The following ACLY variants were observed in gnomAD, a reference collection of about 807,000 sequenced individuals.
ACLY encodes ATP citrate lyase.
Under a neutral mutation model 133.0 loss-of-function variants are expected in ACLY, and 41 were observed. The observed-to-expected ratio is 0.31, with a 90% CI of 0.24 to 0.40. ACLY has a LOEUF of 0.40. ACLY is among the 10% of genes least tolerant of loss of function. The pLI is 1.00. For synonymous variants in ACLY, 495 were observed against 549.3 expected (o/e 0.90, Z 1.38); for missense variants, 1,046 against 1,453.8 (o/e 0.72, Z 4.56).
chr17:41,907,384 G>A lies in ACLY; in HGVS notation c.747+58C>T, dbSNP rs1169515278. 4.8e-5 allele frequency: 73 copies of A among 1,513,310 alleles called. No homozygotes were observed. The Admixed American group carries it at 1.3e-3, about 26-fold the overall frequency. 93.7% of individuals were successfully genotyped at this position (1,513,310 alleles called of 1,614,324 possible). On this transcript the variant is annotated intron_variant, in intron 7 of 28. Coordinates refer to ENST00000352035, the MANE Select transcript of ACLY (RefSeq NM_001096.3). ...GGGGGGCCAAATGCACATCAAAGAT[G>A]AGTCACCTCCCCACCGCCCTCCCCC...
At chr17:41,891,340 G>C (rs2049205427) in intron 16 of ACLY, among the ~76,000 whole-genome samples, 1 of 152,134 alleles carries the variant, frequency 6.6e-6, no homozygotes, top group African/African-American at 2.4e-5. Flanking sequence ...AGCCAGTTAT[G>C]CATAGCACAG....
chr17:41,902,850 A>G (rs1468788719), intron 10 of ACLY, among the ~76,000 whole-genome samples: 2 of 152,148 alleles, frequency 1.3e-5, no homozygotes, highest in Non-Finnish European at 2.9e-5. Context: ...ATGTTTTGAG[A>G]CAGGGTCTCA....
Position 41,898,615 on chromosome 17 carries a change from G to A in ACLY, c.1338+16C>T. 1.2e-6 allele frequency: 2 copies of A among 1,612,140 alleles called. No homozygotes were observed. The highest frequency in any genetic ancestry group is 1.7e-6 in the Non-Finnish European group (2 of 1,179,152). On this transcript the variant is annotated intron_variant, in intron 12 of 28. Transcript: ENST00000352035. ...GATGGTTCCTTCCTGTAAGGTTTGG[G>A]GAGGCTGGAACCTACCGATGTGCTC...
At chr17:41,922,531 CT>C (rs1490068017), upstream of ACLY, among the ~76,000 whole-genome samples, 1 of 151,736 alleles carries the variant, frequency 6.6e-6, no homozygotes, top group African/African-American at 2.4e-5. Context: ...ATAATAAACT[CT>C]TTGAAGGTCA....
intron 15 of ACLY, among the ~76,000 whole-genome samples, chr17:41,892,657 T>G (rs2049247491): frequency 6.6e-6 from 1 of 151,486 alleles, no homozygotes; most frequent in East Asian, 1.9e-4. Flanking sequence ...GGGAATGAGC[T>G]CACTGACTCC....
At chr17:41,928,484 G>C (rs781901573) in intron 1 of ACLY, among the ~76,000 whole-genome samples, 1 of 151,864 alleles carries the variant, frequency 6.6e-6, no homozygotes, top group African/African-American at 2.4e-5. Flanking sequence ...TTTTCAAAAT[G>C]GTTTTGGCTA....
At chr17:41,930,533 G>T in exon 1 of ACLY, 1 of 553,732 alleles carries the variant, frequency 1.8e-6, no homozygotes, top group South Asian at 2.1e-5. Flanking sequence ...CTGGCCCAGT[G>T]CGCGGCAGAA....
intron 12 of ACLY, among the ~76,000 whole-genome samples, chr17:41,898,095 G>A (rs1004930774): frequency 3.3e-5 from 5 of 152,020 alleles, no homozygotes; most frequent in Admixed American, 1.3e-4. Flanking sequence ...TAAGAGTAAC[G>A]ATTTTTAAGT....
Position 41,886,754 on chromosome 17 carries a change from C to A in ACLY, c.1876-446G>T, listed in dbSNP as rs1352447559. On this transcript the variant is annotated intron_variant, in intron 17 of 28. Transcript: ENST00000352035. ...GGGCTGCTGAAGTGTGTTATAACTG[C>A]ACCTGTGAAAAGCCACTGCACTCCA... Among the ~76,000 whole-genome samples the A allele has an allele frequency of 2.0e-5, 3 of 151,916 alleles. No individual in the cohort carries two copies. The South Asian group carries it at 6.2e-4, about 32-fold the overall frequency.
chr17:41,903,936 G>A (rs1435182400), intron 10 of ACLY, among the ~76,000 whole-genome samples: 2 of 151,466 alleles, frequency 1.3e-5, no homozygotes, highest in East Asian at 3.9e-4. Flanking sequence ...AGCCAACATG[G>A]TGAAACCCCT....
chr17:41,887,926 G>A (rs960718314), intron 16 of ACLY, among the ~76,000 whole-genome samples: 20 of 151,932 alleles, frequency 1.3e-4, no homozygotes, highest in Admixed American at 3.9e-4. Flanking sequence ...TCAGGAGTTC[G>A]AGACCAGCCT....
intron 1 of ACLY, among the ~76,000 whole-genome samples, chr17:41,927,905 G>A (rs971827689): frequency 7.9e-5 from 12 of 151,778 alleles, no homozygotes; most frequent in Non-Finnish European, 1.6e-4. Flanking sequence ...GAGAGGCCGC[G>A]GTGGGAGGAT....
intron 1 of ACLY, among the ~76,000 whole-genome samples, chr17:41,914,354 T>C (rs1282935658): frequency 6.6e-6 from 1 of 152,052 alleles, no homozygotes; most frequent in African/African-American, 2.4e-5. Flanking sequence ...ACGGCTGAAA[T>C]TGCAAAAGGC....
rs781871838 is a variant in ACLY at position 41,867,909 on chromosome 17, A to C, written c.3212-5T>G. ...TCTTCTGATCAAGATAGTGTCCTAA[A>C]ATGAAGCAAACACATCTTTTTTATT... is the stretch of plus-strand genomic sequence containing the variant. On this transcript the variant is annotated splice_polypyrimidine_tract_variant and splice_region_variant and intron_variant, in intron 28 of 28. Coordinates refer to ENST00000352035, the MANE Select transcript of ACLY (RefSeq NM_001096.3). 35 of 1,602,042 alleles carry C rather than the reference A, an allele frequency of 2.2e-5. No individual in the cohort carries two copies. The highest frequency in any genetic ancestry group is 3.0e-5 in the Non-Finnish European group (35 of 1,172,206).
upstream of ACLY, chr17:41,918,979 T>C: frequency 1.6e-6 from 2 of 1,288,336 alleles, no homozygotes; most frequent in Non-Finnish European, 2.0e-6. Context: ...GATCCGGCTT[T>C]TGTCCCGGCC....
Position 41,892,838 on chromosome 17 carries a change from G to A in ACLY, c.1601+195C>T, listed in dbSNP as rs781901374. ...ACTACAGGTGCACACCACCATATCC[G>A]GCTAATTTTTAAATTATCTGTAGAG... On this transcript the variant is annotated intron_variant, in intron 15 of 28. Transcript: ENST00000352035. 5.3e-4 allele frequency among the ~76,000 whole-genome samples: 81 copies of A among 152,052 alleles called. 1 individual carries two copies. Among genetic ancestry groups the A allele is most frequent in the Middle Eastern group, 3.4e-3 (1 of 294 alleles).
chr17:41,908,592 C>T (rs1225177070), intron 6 of ACLY, among the ~76,000 whole-genome samples: 1 of 152,210 alleles, frequency 6.6e-6, no homozygotes, highest in Non-Finnish European at 1.5e-5. Flanking sequence ...TGGTGAAACC[C>T]CGTCTCTACT....
chr17:41,879,009 A>T (rs2048835383), intron 20 of ACLY, 85 bp from the exon 21 acceptor site: 7 of 1,546,248 alleles, frequency 4.5e-6, no homozygotes, highest in East Asian at 4.5e-5. Context: ...AACACTTTAC[A>T]TGAATCACTT....
In ACLY at chr17:41,906,649, G is replaced by A; in HGVS notation, c.748-3C>T. The stretch of plus-strand genomic sequence containing the variant: ...TCGAGGTCTGCAATGTAGGCTTCCT[G>A]GGGACCAGACAGCAACAGGTAGGCC... On this transcript the variant is annotated splice_polypyrimidine_tract_variant and splice_region_variant and intron_variant, in intron 7 of 28. Transcript: ENST00000352035. 1 of 1,613,974 alleles carries A rather than the reference G, an allele frequency of 6.2e-7. No homozygotes were observed. The highest frequency in any genetic ancestry group is 8.5e-7 in the Non-Finnish European group (1 of 1,179,832).
Sources: allele counts gnomAD v4.1 joint callset (sites outside exome capture counted in the v4.1 genomes callset), GRCh38; gene constraint gnomAD v4.1.1; transcripts MANE v1.5; gene names NCBI Gene and HGNC (gene_info 2026-07-23, HGNC 2026-07-21).